The following PCP4L1 variants were observed in gnomAD, a reference collection of about 807,000 sequenced individuals.
The protein encoded by PCP4L1 is Purkinje cell protein 4-like protein 1.
Under a neutral mutation model 9.6 loss-of-function variants are expected in PCP4L1, and 9 were observed. The observed-to-expected ratio is 0.94, with a 90% CI of 0.57 to 1.64. The LOEUF (loss-of-function observed/expected upper bound fraction) is 1.64. Ranked by LOEUF, PCP4L1 falls within the 40% of genes most tolerant of loss-of-function variation. PCP4L1 has a pLI of 0.00. For synonymous variants in PCP4L1, 31 were observed against 28.2 expected (o/e 1.10, Z -0.31); for missense variants, 81 against 80.8 (o/e 1.00, Z -0.01).
chr1:161,284,229 C>A lies in PCP4L1; in HGVS notation c.65-110C>A, dbSNP rs1254590916. 4.1e-6 allele frequency: 6 copies of A among 1,455,142 alleles called. No individual in the cohort carries two copies. The Admixed American group carries it at 8.4e-5, about 20-fold the overall frequency. The allele number at this position is 1,455,142 out of a possible 1,614,324, so 90.1% of individuals were successfully genotyped here. A position where few individuals can be genotyped will look rare whatever the true frequency, so the allele number is the denominator to read the frequency against. ...CATAATCCTAGCAAAAATTTGGGGA[C>A]CCCACAGAGTCTGGCACAAGGTGGA... On this transcript the variant is annotated intron_variant, in intron 2 of 2. Transcript: ENST00000504449.
In PCP4L1 at chr1:161,284,562, T is replaced by C; in HGVS notation, c.*81T>C. On this transcript the variant is annotated 3_prime_UTR_variant, in exon 3 of 3. Coordinates refer to ENST00000504449, the MANE Select transcript of PCP4L1 (RefSeq NM_001102566.2). The stretch of plus-strand genomic sequence containing the variant: ...TCCACACCCATGTATCTTTATCCCT[T>C]GTCCCTCTAGCCTTTCCTTGAGGCA... 2 of 1,538,504 alleles carry C rather than the reference T, an allele frequency of 1.3e-6. No homozygotes were observed.
At chr1:161,262,855 C>T (rs188679833) in intron 1 of PCP4L1, among the ~76,000 whole-genome samples, 9 of 152,264 alleles carry the variant, frequency 5.9e-5, no homozygotes, top group Admixed American at 5.9e-4. Context: ...TCTATGCATG[C>T]CTCCCACTAT....
rs115155453 is a variant in PCP4L1 at position 161,283,731 on chromosome 1, G to T, written c.64+9G>T. ...TGGCCAAGAGGAAAAAGGTGAGTGG[G>T]GTTGGGCTAGGCAGTTTGTAGAGCA... On this transcript the variant is annotated intron_variant, in intron 2 of 2. Coordinates refer to ENST00000504449, the MANE Select transcript of PCP4L1 (RefSeq NM_001102566.2). 1.1e-3 allele frequency: 1,820 copies of T among 1,602,950 alleles called. 17 individuals are homozygous for T. The African/African-American group carries it at 0.022, about 19-fold the overall frequency.
rs1669872175 is a variant in PCP4L1 at position 161,284,373 on chromosome 1, G to A, written c.99G>A (p.Glu33=). The A allele has an allele frequency of 6.2e-7, 1 of 1,613,866 alleles. No homozygotes were observed. Among genetic ancestry groups the A allele is most frequent in the Admixed American group, 1.7e-5 (1 of 60,002 alleles). Residue 33 remains glutamate, a synonymous_variant, in exon 3 of 3, where the codon GAG becomes GAA. Coordinates refer to ENST00000504449, the MANE Select transcript of PCP4L1 (RefSeq NM_001102566.2). ...GCAATGTCAAGAAGGCGGAGGAGGA[G>A]GAGGAGATTGACATTGATCTGACAG... ...KAGNVKKAEE[E]EEIDIDLTAP...
At chr1:161,267,894 G>T (rs1261915452) in intron 1 of PCP4L1, among the ~76,000 whole-genome samples, 3 of 152,038 alleles carry the variant, frequency 2.0e-5, no homozygotes, top group Non-Finnish European at 4.4e-5. Context: ...TGTATTTTTA[G>T]TAGAGACAGG....
chr1:161,270,161 G>A (rs953325835), intron 1 of PCP4L1, among the ~76,000 whole-genome samples: 3 of 152,034 alleles, frequency 2.0e-5, no homozygotes, highest in African/African-American at 7.2e-5. Context: ...GCTGGGCATG[G>A]TGGTGCATGC....
intron 1 of PCP4L1, among the ~76,000 whole-genome samples, chr1:161,260,993 A>G (rs1669407406): frequency 1.3e-5 from 2 of 152,114 alleles, no homozygotes; most frequent in Non-Finnish European, 2.9e-5. Flanking sequence ...AGGGGCCGAG[A>G]TCCAGCCTGT....
At chr1:161,267,579 C>T (rs1669550891) in intron 1 of PCP4L1, among the ~76,000 whole-genome samples, 1 of 152,170 alleles carries the variant, frequency 6.6e-6, no homozygotes, top group Non-Finnish European at 1.5e-5. Context: ...GGAAACACAG[C>T]CCAAGAAGGG....
At position 161,283,696 on chromosome 1, in the gene PCP4L1, A is replaced by G. The variant is rs1558147623; in HGVS notation, c.38A>G (p.Asn13Ser). The change falls in exon 2 of 3, where the codon AAC becomes AGC. Residue 13 changes from asparagine to serine, a missense_variant. Transcript: ENST00000504449. ...AATACCAAAACATCCCCAGCAACCA[A>G]CCAGGCAGCTGGCCAAGAGGAAAAA... ...ELNTKTSPATNQAAGQEEKGK... is the reference protein window; with the variant it reads ...ELNTKTSPATSQAAGQEEKGK... 1 of 1,606,126 alleles carries G rather than the reference A, an allele frequency of 6.2e-7. No individual in the cohort carries two copies. Among genetic ancestry groups the G allele is most frequent in the East Asian group, 2.2e-5 (1 of 44,728 alleles).
At chr1:161,273,199 G>T (rs1376654344) in intron 1 of PCP4L1, among the ~76,000 whole-genome samples, 2 of 152,168 alleles carry the variant, frequency 1.3e-5, no homozygotes, top group Non-Finnish European at 2.9e-5. Flanking sequence ...AAGGATTAAA[G>T]AAATATAGGA....
intron 1 of PCP4L1, 50 bp downstream of exon 1, chr1:161,259,033 T>C: frequency 1.3e-6 from 2 of 1,517,902 alleles, no homozygotes; most frequent in South Asian, 2.4e-5. Flanking sequence ...GCGGGGAGGG[T>C]GCTGCGGCTC....
At chr1:161,259,497 G>A (rs1669383079) in intron 1 of PCP4L1, among the ~76,000 whole-genome samples, 1 of 152,140 alleles carries the variant, frequency 6.6e-6, no homozygotes, top group Admixed American at 6.5e-5. Context: ...AACGTTGGAG[G>A]GACGTGTTCC....
chr1:161,270,876 TAAA>T (rs368483521), intron 1 of PCP4L1, among the ~76,000 whole-genome samples: 3 of 135,748 alleles, frequency 2.2e-5, no homozygotes, highest in Non-Finnish European at 1.6e-5. Flanking sequence ...AGACTCCGTC[TAAA>T]AAAAAAAAAA....
intron 1 of PCP4L1, among the ~76,000 whole-genome samples, chr1:161,282,413 A>G (rs1323033217): frequency 6.3e-5 from 3 of 47,686 alleles, no homozygotes; most frequent in African/African-American, 1.5e-4. Context: ...GGAGAGGGAG[A>G]GGGAGGGGGA....
chr1:161,283,320 C>G (rs771959553), intron 1 of PCP4L1, among the ~76,000 whole-genome samples: 15 of 152,186 alleles, frequency 9.9e-5, no homozygotes, highest in Non-Finnish European at 2.1e-4. Flanking sequence ...CCATTTCCAC[C>G]CCAGTACTTA....
chr1:161,268,273 A>T (rs1345145929), intron 1 of PCP4L1, among the ~76,000 whole-genome samples: 2 of 152,144 alleles, frequency 1.3e-5, no homozygotes, highest in Non-Finnish European at 2.9e-5. Flanking sequence ...GGAAAAAAAA[A>T]AGTATTTATG....
intron 1 of PCP4L1, 119 bp from the exon 2 acceptor site, chr1:161,283,549 A>C: frequency 1.2e-6 from 1 of 866,824 alleles, no homozygotes; most frequent in Non-Finnish European, 1.7e-6. Flanking sequence ...CTTCTTCAAA[A>C]GACTAAGGGA....
chr1:161,268,892 G>A (rs1277315098), intron 1 of PCP4L1, among the ~76,000 whole-genome samples: 1 of 152,098 alleles, frequency 6.6e-6, no homozygotes, highest in Non-Finnish European at 1.5e-5. Flanking sequence ...CTGCAGATGA[G>A]CGATCTGAGC....
chr1:161,274,890 C>A (rs769088451), intron 1 of PCP4L1, among the ~76,000 whole-genome samples: 16 of 152,180 alleles, frequency 1.1e-4, no homozygotes, highest in Non-Finnish European at 2.1e-4. Flanking sequence ...TTTCAAGGGG[C>A]ATTGTGAGTA....
Sources: allele counts gnomAD v4.1 joint callset (sites outside exome capture counted in the v4.1 genomes callset), GRCh38; gene constraint gnomAD v4.1.1; transcripts MANE v1.5; gene names NCBI Gene and HGNC (gene_info 2026-07-23, HGNC 2026-07-21).